The following PIK3C2G variants were observed in gnomAD, a reference collection of about 807,000 sequenced individuals.
PIK3C2G encodes phosphatidylinositol 3-kinase C2 domain-containing subunit gamma.
A neutral mutation model predicts 181.1 loss-of-function variants in PIK3C2G; 168 were observed. That is an observed-to-expected ratio of 0.93 (90% confidence interval 0.82 to 1.05). The LOEUF (loss-of-function observed/expected upper bound fraction) is 1.05. Ranked by LOEUF, PIK3C2G falls within the 50% of genes least tolerant of loss-of-function variation. The probability of loss-of-function intolerance (pLI) is 0.00; values close to 1 mark genes in which losing one functional copy is unlikely to be tolerated. For synonymous variants in PIK3C2G, 573 were observed against 592.2 expected (o/e 0.97, Z 0.47); for missense variants, 1,869 against 1,732.8 (o/e 1.08, Z -1.40).
At chr12:18,450,473 T>C (rs1371869127) in intron 18 of PIK3C2G, among the ~76,000 whole-genome samples, 1 of 152,214 alleles carries the variant, frequency 6.6e-6, no homozygotes, top group Admixed American at 6.5e-5. Flanking sequence ...TTGTAGATTC[T>C]GGATATTAGA....
At chr12:18,284,403 G>A (rs1250427299) in intron 2 of PIK3C2G, among the ~76,000 whole-genome samples, 1 of 151,740 alleles carries the variant, frequency 6.6e-6, no homozygotes, top group African/African-American at 2.4e-5. Context: ...TTAACTGCCT[G>A]CCAATGAAAA....
chr12:18,424,855 A>G (rs1351559153), intron 18 of PIK3C2G: 14 of 207,276 alleles, frequency 6.8e-5, no homozygotes, highest in Non-Finnish European at 1.4e-4. Context: ...ACCACGATAT[A>G]TGGAAGGGTA....
In PIK3C2G at chr12:18,491,464, A is replaced by C. The variant is rs943510004; in HGVS notation, c.2699A>C (p.Lys900Thr). The C allele has an allele frequency of 4.1e-5, 65 of 1,584,196 alleles. No homozygotes were observed. The highest frequency in any genetic ancestry group is 5.5e-5 in the Non-Finnish European group (64 of 1,154,896). ...GATTTTTCACAGGAGGTACTGAAGAAAGAAATTGGCAGACTAGAAGAGTTC... is the reference window on the plus strand; with the variant it reads ...GATTTTTCACAGGAGGTACTGAAGACAGAAATTGGCAGACTAGAAGAGTTC... The part of the protein sequence containing the change: ...SDHQRQEVLK[K>T]EIGRLEEFFQ... Residue 900 changes from lysine to threonine, a missense_variant, in exon 20 of 33, where the codon AAA (lysine) becomes ACA (threonine). Physicochemically the swap from Lys to Thr is moderately conservative, Grantham distance 78 (BLOSUM62 -1). Coordinates refer to ENST00000538779, the MANE Select transcript of PIK3C2G (RefSeq NM_001288772.2).
intron 18 of PIK3C2G, among the ~76,000 whole-genome samples, chr12:18,481,216 G>A (rs1939531299): frequency 2.0e-5 from 3 of 152,168 alleles, no homozygotes; most frequent in Admixed American, 2.0e-4. Context: ...TTATAGGCAT[G>A]AGCCACTGCA....
chr12:18,666,653 G>C, the PIK3C2G span, among the ~76,000 whole-genome samples: 1 of 152,152 alleles, frequency 6.6e-6, no homozygotes, highest in Non-Finnish European at 1.5e-5. Flanking sequence ...ATAGGAAAAA[G>C]TACTAGACGA....
rs529533237 is a variant in PIK3C2G, at chr12:18,575,539, T to C, written c.4011+8482T>C. The stretch of plus-strand genomic sequence containing the variant: ...TTGATACAAGAACATTGTGCTGCAA[T>C]ATTATTTCAAGGCTGGTAGACTCTC... On this transcript the variant is annotated intron_variant, in intron 29 of 32. Coordinates refer to ENST00000538779, the MANE Select transcript of PIK3C2G (RefSeq NM_001288772.2). Among the ~76,000 whole-genome samples, 9 of 152,314 alleles carry C rather than the reference T, an allele frequency of 5.9e-5. No homozygotes were observed. In the East Asian group the frequency reaches 1.7e-3, roughly 29 times the overall value.
chr12:18,355,876 C>A (rs1235874492), intron 11 of PIK3C2G, among the ~76,000 whole-genome samples: 1 of 152,102 alleles, frequency 6.6e-6, no homozygotes, highest in South Asian at 2.1e-4. Flanking sequence ...TGTAGTAGAA[C>A]CCTTAACATT....
intron 5 of PIK3C2G, among the ~76,000 whole-genome samples, chr12:18,308,162 T>C (rs1366501249): frequency 6.6e-6 from 1 of 151,894 alleles, no homozygotes; most frequent in African/African-American, 2.4e-5. Flanking sequence ...TCTTGCCACG[T>C]ATAATGGTAA....
Position 18,338,530 on chromosome 12 carries a change from T to A in PIK3C2G, c.1377T>A (p.Ile459=), listed in dbSNP as rs1363086047. 2.5e-6 allele frequency: 4 copies of A among 1,592,264 alleles called. No individual in the cohort carries two copies. Among genetic ancestry groups the A allele is most frequent in the African/African-American group, 1.3e-5 (1 of 74,422 alleles). The change falls in exon 9 of 33, where the codon ATT becomes ATA. Residue 459 remains isoleucine, a synonymous_variant. Transcript: ENST00000538779. Reference sequence around the variant, plus strand: ...ATGCAGTAAATGAACTAAGTCTAATTCTTCAGAGAAAAGGAGAGGTAAGTA... The same window carrying A: ...ATGCAGTAAATGAACTAAGTCTAATACTTCAGAGAAAAGGAGAGGTAAGTA... ...ITDAVNELSL[I]LQRKGENFYQ...
intron 24 of PIK3C2G, 38 bp downstream of exon 24, chr12:18,505,499 G>A (rs1565458586): frequency 2.0e-6 from 3 of 1,508,010 alleles, no homozygotes; most frequent in East Asian, 4.6e-5. Context: ...ATTAAGCAGT[G>A]TCCTAAGCAA....
intron 5 of PIK3C2G, among the ~76,000 whole-genome samples, chr12:18,302,445 G>C (rs1165636280): frequency 6.6e-6 from 1 of 152,142 alleles, no homozygotes; most frequent in Admixed American, 6.5e-5. Flanking sequence ...CTTGTCCTCA[G>C]GCTCTATGAT....
rs1478421402 is a variant in PIK3C2G at position 18,598,303 on chromosome 12, A to G, written c.4087+3734A>G. 3.3e-5 allele frequency among the ~76,000 whole-genome samples: 5 copies of G among 152,024 alleles called. No homozygotes were observed. In the East Asian group the frequency reaches 9.7e-4, roughly 29 times the overall value. On this transcript the variant is annotated intron_variant, in intron 30 of 32. Transcript: ENST00000538779. ...ATGGTACTGGTACCAAAACAGAGATATAGATCAATGGAACAGAACAGAGCC... is the reference window on the plus strand; with the variant it reads ...ATGGTACTGGTACCAAAACAGAGATGTAGATCAATGGAACAGAACAGAGCC...
the PIK3C2G span, chr12:18,699,737 C>G: frequency 6.7e-7 from 1 of 1,487,130 alleles, no homozygotes; most frequent in East Asian, 2.3e-5. Flanking sequence ...TCTTAACACC[C>G]TAGCAGTGAA....
intron 22 of PIK3C2G, among the ~76,000 whole-genome samples, chr12:18,501,047 TC>T (rs1374946684): frequency 6.6e-6 from 1 of 150,436 alleles, no homozygotes; most frequent in East Asian, 2.0e-4. Flanking sequence ...AGGAAGAAAC[TC>T]CGAACACATC....
chr12:18,662,745 CAT>C, the PIK3C2G span, among the ~76,000 whole-genome samples: 1 of 151,980 alleles, frequency 6.6e-6, no homozygotes, highest in African/African-American at 2.4e-5. Context: ...AGCAGAATCT[CAT>C]ATGTTACTGA....
At chr12:18,604,293 C>T (rs1423742437) in intron 30 of PIK3C2G, among the ~76,000 whole-genome samples, 1 of 152,100 alleles carries the variant, frequency 6.6e-6, no homozygotes, top group Non-Finnish European at 1.5e-5. Flanking sequence ...TTAAAAGAGA[C>T]AAAGAGGGAC....
intron 18 of PIK3C2G, among the ~76,000 whole-genome samples, chr12:18,450,488 C>G (rs1947287765): frequency 6.6e-6 from 1 of 152,104 alleles, no homozygotes; most frequent in African/African-American, 2.4e-5. Context: ...ATTAGACCTT[C>G]ATCAGATGGG....
Position 18,462,570 on chromosome 12 carries a change from A to G in PIK3C2G, c.2505-25879A>G, listed in dbSNP as rs138158439. Among the ~76,000 whole-genome samples the G allele has an allele frequency of 1.0e-3, 157 of 152,268 alleles. 2 individuals carry two copies. The East Asian group carries it at 0.03, about 29-fold the overall frequency. On this transcript the variant is annotated intron_variant, in intron 18 of 32. Coordinates refer to ENST00000538779, the MANE Select transcript of PIK3C2G (RefSeq NM_001288772.2). ...ACTATTGACAGAAGGTAACTCAAAAAGCATGGATGACTCTGAAATCTGGGC... is the reference window on the plus strand; with the variant it reads ...ACTATTGACAGAAGGTAACTCAAAAGGCATGGATGACTCTGAAATCTGGGC...
chr12:18,553,748 G>C (rs1944855582), intron 26 of PIK3C2G, among the ~76,000 whole-genome samples: 1 of 152,042 alleles, frequency 6.6e-6, no homozygotes, highest in Admixed American at 6.6e-5. Context: ...TCTTGTAGGA[G>C]TTCAAGAGAG....
Sources: gnomAD v4.1 joint callset for allele counts (sites outside exome capture counted in the v4.1 genomes callset) on GRCh38, gnomAD v4.1.1 for gene constraint, MANE v1.5 for transcripts, NCBI Gene and HGNC (gene_info 2026-07-23, HGNC 2026-07-21) for gene names.